Variants in NRG3 observed in about 807,000 individuals in gnomAD.
The protein encoded by NRG3 is pro-neuregulin-3, membrane-bound isoform.
Under a neutral mutation model 66.9 loss-of-function variants are expected in NRG3, and 31 were observed. The observed-to-expected ratio is 0.46, with a 90% CI of 0.35 to 0.63. The LOEUF is 0.63. NRG3 is among the 20% of genes least tolerant of loss of function. The pLI, the probability that NRG3 is intolerant of heterozygous loss-of-function variation, is 0.00. For missense variants in NRG3, 910 were observed against 878.9 expected, an observed-to-expected ratio of 1.04 and a Z score of -0.45; for synonymous variants, 393 against 359.4, an observed-to-expected ratio of 1.09 and a Z score of -1.06.
At chr10:82,381,829 G>A (rs1276348191) in intron 2 of NRG3, among the ~76,000 whole-genome samples, 1 of 152,108 alleles carries the variant, frequency 6.6e-6, no homozygotes, top group Admixed American at 6.6e-5. Context: ...TAGCAAGAAG[G>A]TGATAATGCA....
intron 1 of NRG3, among the ~76,000 whole-genome samples, chr10:82,298,818 T>G (rs2080226123): frequency 1.3e-5 from 2 of 152,088 alleles, no homozygotes; most frequent in South Asian, 4.1e-4. Flanking sequence ...TAAAGAAAAA[T>G]CTGCCTTTAC....
At chr10:82,087,688 A>G (rs1052224772) in intron 1 of NRG3, among the ~76,000 whole-genome samples, 2 of 152,162 alleles carry the variant, frequency 1.3e-5, no homozygotes, top group African/African-American at 4.8e-5. Flanking sequence ...GAATGATTTA[A>G]CATTCACCAG....
At chr10:82,527,015 C>G (rs970609533) in intron 2 of NRG3, among the ~76,000 whole-genome samples, 1 of 151,978 alleles carries the variant, frequency 6.6e-6, no homozygotes, top group African/African-American at 2.4e-5. Context: ...CCAGCAATCT[C>G]ACATCAAGAA....
chr10:82,617,554 T>C (rs1216993807), intron 2 of NRG3, among the ~76,000 whole-genome samples: 3 of 152,184 alleles, frequency 2.0e-5, no homozygotes, highest in African/African-American at 7.2e-5. Flanking sequence ...CTGTGTAAAA[T>C]AGGCTCCTCT....
At chr10:82,897,546 T>G (rs1338061974) in intron 4 of NRG3, among the ~76,000 whole-genome samples, 1 of 152,164 alleles carries the variant, frequency 6.6e-6, no homozygotes, top group African/African-American at 2.4e-5. Flanking sequence ...TGCGATGCAG[T>G]CTCTTTCTGT....
intron 2 of NRG3, among the ~76,000 whole-genome samples, chr10:82,573,584 C>A (rs946661290): frequency 1.7e-4 from 26 of 151,758 alleles, no homozygotes; most frequent in African/African-American, 6.3e-4. Flanking sequence ...AATTGAAGTG[C>A]TTATGCAACA....
chr10:82,460,947 A>G (rs1035926340), intron 2 of NRG3, among the ~76,000 whole-genome samples: 7 of 151,964 alleles, frequency 4.6e-5, no homozygotes, highest in Admixed American at 2.0e-4. Flanking sequence ...TTTTCACATT[A>G]CTCTGAAAGG....
chr10:82,152,258 A>G lies in NRG3; in HGVS notation c.824-206481A>G, dbSNP rs371790308. On this transcript the variant is annotated intron_variant, in intron 1 of 8. Coordinates refer to ENST00000372141, the MANE Select transcript of NRG3 (RefSeq NM_001010848.4). ...TCTCTCAGTTTGGCGATCCTATTGTAGAATATAGTTTTGACATACTGGAAA... is the reference window on the plus strand; with the variant it reads ...TCTCTCAGTTTGGCGATCCTATTGTGGAATATAGTTTTGACATACTGGAAA... Among the ~76,000 whole-genome samples the G allele has an allele frequency of 7.2e-5, 11 of 152,204 alleles. No individual in the cohort carries two copies. The East Asian group carries it at 1.2e-3, about 16-fold the overall frequency.
chr10:82,078,127 T>G (rs72825428), intron 1 of NRG3, among the ~76,000 whole-genome samples: 1 of 151,902 alleles, frequency 6.6e-6, no homozygotes, highest in Non-Finnish European at 1.5e-5. Context: ...TAAAAAAAAA[T>G]TTTTTTTAAT....
chr10:82,760,764 A>G (rs1437300356), intron 3 of NRG3, among the ~76,000 whole-genome samples: 1 of 152,090 alleles, frequency 6.6e-6, no homozygotes, highest in African/African-American at 2.4e-5. Flanking sequence ...CATACAGACA[A>G]CTATAACTAA....
At chr10:82,648,456 T>C (rs1362341073) in intron 2 of NRG3, among the ~76,000 whole-genome samples, 2 of 152,212 alleles carry the variant, frequency 1.3e-5, no homozygotes, top group African/African-American at 4.8e-5. Flanking sequence ...TCCAGCTTTG[T>C]TCTTTTGGCT....
intron 1 of NRG3, among the ~76,000 whole-genome samples, chr10:82,174,679 A>G (rs151316270): frequency 3.3e-5 from 5 of 152,180 alleles, no homozygotes; most frequent in African/African-American, 1.2e-4. Context: ...AATGAAATAC[A>G]GTCTTCCAGA....
At chr10:82,018,628 T>C (rs552069728) in intron 1 of NRG3, among the ~76,000 whole-genome samples, 1 of 152,302 alleles carries the variant, frequency 6.6e-6, no homozygotes, top group East Asian at 1.9e-4. Context: ...TGGTTTGTAG[T>C]TCTCCTTGAA....
At chr10:82,480,311 A>G (rs1564971459) in intron 2 of NRG3, among the ~76,000 whole-genome samples, 1 of 152,342 alleles carries the variant, frequency 6.6e-6, no homozygotes, top group East Asian at 1.9e-4. Flanking sequence ...AAATGTACTA[A>G]TAATCATTGA....
intron 1 of NRG3, among the ~76,000 whole-genome samples, chr10:82,350,440 G>T (rs6584663): frequency 6.6e-6 from 1 of 151,996 alleles, no homozygotes; most frequent in African/African-American, 2.4e-5. Flanking sequence ...GTATGGAGAA[G>T]GAACATGTAA....
At chr10:82,849,316 A>C (rs1242975115) in intron 3 of NRG3, among the ~76,000 whole-genome samples, 1 of 152,102 alleles carries the variant, frequency 6.6e-6, no homozygotes. Flanking sequence ...AGATGGAACA[A>C]ACACTGCTGA....
intron 1 of NRG3, among the ~76,000 whole-genome samples, chr10:82,164,491 C>T (rs1033950733): frequency 7.2e-5 from 11 of 152,082 alleles, no homozygotes; most frequent in African/African-American, 2.7e-4. Flanking sequence ...TTAACCAACC[C>T]CTCTTTATCA....
At chr10:82,171,706 C>A (rs1014518440) in intron 1 of NRG3, among the ~76,000 whole-genome samples, 8 of 152,078 alleles carry the variant, frequency 5.3e-5, no homozygotes, top group Non-Finnish European at 5.9e-5. Flanking sequence ...GTTTCTCATG[C>A]CTGGCTGCTT....
At chr10:82,491,809 G>A (rs1843172329) in intron 2 of NRG3, among the ~76,000 whole-genome samples, 1 of 152,094 alleles carries the variant, frequency 6.6e-6, no homozygotes, top group South Asian at 2.1e-4. Flanking sequence ...GTAAATAAGT[G>A]GACAAATGTC....
Sources: gnomAD v4.1 joint callset for allele counts (sites outside exome capture counted in the v4.1 genomes callset) on GRCh38, gnomAD v4.1.1 for gene constraint, MANE v1.5 for transcripts, NCBI Gene and HGNC (gene_info 2026-07-23, HGNC 2026-07-21) for gene names.